RANBP17: variants seen among roughly 807,000 people sequenced by gnomAD.
RANBP17 encodes the protein ran-binding protein 17.
Under a neutral mutation model 141.2 loss-of-function variants are expected in RANBP17, and 158 were observed. The ratio of observed to expected loss-of-function variants is 1.12; its 90% CI spans 0.98 to 1.28. The LOEUF (loss-of-function observed/expected upper bound fraction) is 1.28. RANBP17 is among the 50% of genes most tolerant of loss of function. RANBP17 has a pLI of 0.00. For missense variants in RANBP17, 1,438 were observed against 1,290.7 expected, an observed-to-expected ratio of 1.11 and a Z score of -1.75; for synonymous variants, 430 against 450.0, an observed-to-expected ratio of 0.96 and a Z score of 0.56.
chr5:171,299,113 T>C lies in RANBP17; in HGVS notation c.*255T>C. ...CTATCAAATATTATCTTTGTTCTCC[T>C]AATGCTCTGAAAGGATGTAGAAACA... On this transcript the variant is annotated 3_prime_UTR_variant, in exon 28 of 28. Transcript: ENST00000523189. 2 of 380,338 alleles carry C rather than the reference T, an allele frequency of 5.3e-6. No individual in the cohort carries two copies. Among genetic ancestry groups the C allele is most frequent in the Non-Finnish European group, 9.6e-6 (2 of 208,300 alleles). 23.6% of individuals were successfully genotyped at this position (380,338 alleles called of 1,614,324 possible).
chr5:171,019,926 C>A (rs964758932), intron 14 of RANBP17, among the ~76,000 whole-genome samples: 1 of 151,934 alleles, frequency 6.6e-6, no homozygotes, highest in African/African-American at 2.4e-5. Flanking sequence ...TATAAATTTC[C>A]CTCTCAACAT....
intron 14 of RANBP17, among the ~76,000 whole-genome samples, chr5:171,065,254 G>T (rs1442854486): frequency 1.3e-5 from 2 of 151,960 alleles, no homozygotes; most frequent in Admixed American, 6.6e-5. Context: ...CAACCTTTTT[G>T]GCACTAGGGA....
At chr5:170,970,333 G>A (rs992206225) in intron 14 of RANBP17, among the ~76,000 whole-genome samples, 5 of 151,668 alleles carry the variant, frequency 3.3e-5, no homozygotes, top group Admixed American at 6.6e-5. Context: ...TTTGTACCAG[G>A]AACTGTGCTA....
intron 1 of RANBP17, among the ~76,000 whole-genome samples, chr5:170,872,431 C>T (rs1358314990): frequency 6.6e-6 from 1 of 152,116 alleles, no homozygotes; most frequent in Non-Finnish European, 1.5e-5. Context: ...ATGGAGTTTT[C>T]TAGATTGTAG....
intron 14 of RANBP17, among the ~76,000 whole-genome samples, chr5:171,108,191 TCTA>T (rs1754980452): frequency 6.6e-6 from 1 of 152,176 alleles, no homozygotes; most frequent in Non-Finnish European, 1.5e-5. Context: ...GCCAAACAGT[TCTA>T]TAAGCAACAG....
intron 14 of RANBP17, among the ~76,000 whole-genome samples, chr5:171,139,678 C>T (rs560453083): frequency 2.1e-4 from 32 of 152,294 alleles, no homozygotes; most frequent in African/African-American, 6.5e-4. Context: ...CAACTCCAAG[C>T]GACCGTCTCT....
intron 4 of RANBP17, among the ~76,000 whole-genome samples, chr5:170,895,463 T>G (rs1770035901): frequency 6.6e-6 from 1 of 152,202 alleles, no homozygotes; most frequent in Non-Finnish European, 1.5e-5. Flanking sequence ...ATATAGATAG[T>G]CATGTATTTA....
chr5:171,079,480 A>T (rs1400258340), intron 14 of RANBP17, among the ~76,000 whole-genome samples: 1 of 152,212 alleles, frequency 6.6e-6, no homozygotes, highest in East Asian at 1.9e-4. Flanking sequence ...ATCAAACAGC[A>T]TTGTATGTTG....
At chr5:171,044,815 A>G (rs1350922220) in intron 14 of RANBP17, among the ~76,000 whole-genome samples, 2 of 152,132 alleles carry the variant, frequency 1.3e-5, no homozygotes, top group Non-Finnish European at 2.9e-5. Context: ...AGAAGAAATG[A>G]ATGGTTATCA....
Position 171,170,195 on chromosome 5 carries a change from G to T in RANBP17, c.1776G>T (p.Met592Ile). 1 of 1,555,848 alleles carries T rather than the reference G, an allele frequency of 6.4e-7. No homozygotes were observed. Among genetic ancestry groups the T allele is most frequent in the Non-Finnish European group, 8.7e-7 (1 of 1,146,650 alleles). ...ACAACCACGTTCTAGAGACGTTCAT[G>T]ACAAAAATGTGAGTTCTTGTTTTGG... The part of the protein sequence containing the change: ...TDDNHVLETF[M>I]TKIVTNLKYW... Residue 592 changes from methionine (M) to isoleucine (I), a missense_variant, in exon 15 of 28, where the codon ATG (methionine) becomes ATT (isoleucine). Physicochemically the swap from Met to Ile is conservative, Grantham distance 10. Coordinates refer to ENST00000523189, the MANE Select transcript of RANBP17 (RefSeq NM_022897.5).
chr5:171,240,937 T>G lies in RANBP17; in HGVS notation c.2432T>G (p.Ile811Ser), dbSNP rs781193522. ...SKMVCTYGNQ[I>S]LSLGSLSKDQ... ...TTTTATCCTGAAACAGGTAATCAGA[T>G]CCTGTCCCTTGGGAGCCTCTCAAAA... The change falls in exon 23 of 28, where the codon ATC (isoleucine) becomes AGC (serine). Residue 811 changes from isoleucine (I) to serine (S), a missense_variant. Physicochemically the swap from Ile to Ser is moderately radical, Grantham distance 142. Coordinates refer to ENST00000523189, the MANE Select transcript of RANBP17 (RefSeq NM_022897.5). The G allele has an allele frequency of 6.2e-7, 1 of 1,611,802 alleles. No homozygotes were observed. Among genetic ancestry groups the G allele is most frequent in the Non-Finnish European group, 8.5e-7 (1 of 1,178,008 alleles).
rs5873253 is a variant in RANBP17, at chr5:171,093,215, C to CAA, written c.1711-76904_1711-76903dup. On this transcript the variant is annotated intron_variant, in intron 14 of 27. Transcript: ENST00000523189. ...ATAGCAGTGGAACTCAGTCTCCCCC[C>CAA]AAAAAAAAAAAATAGACATTTTTAT... is the stretch of plus-strand genomic sequence containing the variant. 8.2e-3 allele frequency among the ~76,000 whole-genome samples: 1,238 copies of CAA among 150,214 alleles called. 23 individuals carry two copies. The highest frequency in any genetic ancestry group is 0.029 in the African/African-American group (1,189 of 40,904).
At chr5:170,961,640 G>A (rs1444296972) in intron 13 of RANBP17, among the ~76,000 whole-genome samples, 4 of 152,060 alleles carry the variant, frequency 2.6e-5, no homozygotes, top group African/African-American at 9.7e-5. Flanking sequence ...TGGATTTTTG[G>A]ATTCGAGATG....
intron 2 of RANBP17, among the ~76,000 whole-genome samples, chr5:170,879,750 A>T (rs568883374): frequency 6.6e-6 from 1 of 152,264 alleles, no homozygotes; most frequent in South Asian, 2.1e-4. Flanking sequence ...GAGCTAAAAA[A>T]ATAGCAGTAA....
intron 12 of RANBP17, among the ~76,000 whole-genome samples, chr5:170,943,119 T>C (rs1774465762): frequency 6.6e-6 from 1 of 152,188 alleles, no homozygotes; most frequent in Admixed American, 6.5e-5. Context: ...TGTGGTCTGC[T>C]CAAAATGATC....
At chr5:171,267,091 C>T (rs1766764866) in intron 25 of RANBP17, among the ~76,000 whole-genome samples, 1 of 138,848 alleles carries the variant, frequency 7.2e-6, no homozygotes, top group South Asian at 2.3e-4. Flanking sequence ...TGCAGTGGCA[C>T]AATCTGGGCT....
At chr5:171,296,515 G>A (rs1431807457) in intron 27 of RANBP17, among the ~76,000 whole-genome samples, 1 of 152,194 alleles carries the variant, frequency 6.6e-6, no homozygotes, top group African/African-American at 2.4e-5. Flanking sequence ...AATACTCCAG[G>A]TGATGGATAC....
chr5:171,268,163 C>G (rs1033162226), intron 25 of RANBP17, among the ~76,000 whole-genome samples: 7 of 152,182 alleles, frequency 4.6e-5, no homozygotes, highest in Non-Finnish European at 8.8e-5. Context: ...TATAATTTCT[C>G]TCCTTACAAA....
At chr5:170,958,151 A>G (rs1364403711) in intron 13 of RANBP17, among the ~76,000 whole-genome samples, 1 of 152,204 alleles carries the variant, frequency 6.6e-6, no homozygotes, top group Non-Finnish European at 1.5e-5. Context: ...AGTAAGGACA[A>G]GCAGTATATC....
Sources: allele counts gnomAD v4.1 joint callset (sites outside exome capture counted in the v4.1 genomes callset), GRCh38; gene constraint gnomAD v4.1.1; transcripts MANE v1.5; gene names NCBI Gene and HGNC (gene_info 2026-07-23, HGNC 2026-07-21).